The following CSMD1 variants were observed in gnomAD, a reference collection of about 807,000 sequenced individuals.
CSMD1 encodes the protein CUB and sushi domain-containing protein 1.
In CSMD1, 213 loss-of-function variants were observed where a neutral mutation model predicts 417.5. The observed-to-expected ratio is 0.51, with a 90% CI of 0.46 to 0.57. The LOEUF is 0.57. Ranked by LOEUF, CSMD1 falls within the 20% of genes least tolerant of loss-of-function variation. The pLI is 0.00. For synonymous variants in CSMD1, 2,862 were observed against 1,736.8 expected, an observed-to-expected ratio of 1.65 and a Z score of -16.11; for missense variants, 6,923 against 4,529.7, an observed-to-expected ratio of 1.53 and a Z score of -15.17.
intron 18 of CSMD1, among the ~76,000 whole-genome samples, chr8:3,376,045 C>G (rs1019283329): frequency 1.3e-5 from 2 of 152,112 alleles, no homozygotes; most frequent in Admixed American, 1.3e-4. Context: ...TAATAAAGCA[C>G]TTACTTCATT....
chr8:4,790,001 G>C (rs1258255476), intron 1 of CSMD1, among the ~76,000 whole-genome samples: 1 of 152,102 alleles, frequency 6.6e-6, no homozygotes, highest in Non-Finnish European at 1.5e-5. Context: ...ACTCAATGGA[G>C]GCCAAGTTAT....
At chr8:4,448,917 A>G (rs902113117) in intron 2 of CSMD1, among the ~76,000 whole-genome samples, 1 of 152,146 alleles carries the variant, frequency 6.6e-6, no homozygotes, top group Non-Finnish European at 1.5e-5. Flanking sequence ...TTCATCTATT[A>G]AGTTCAAAAT....
At chr8:4,112,733 A>G (rs770138510) in intron 3 of CSMD1, among the ~76,000 whole-genome samples, 9 of 152,198 alleles carry the variant, frequency 5.9e-5, no homozygotes, top group Non-Finnish European at 2.9e-5. Flanking sequence ...TACATGTTTA[A>G]AAATATTAAA....
intron 12 of CSMD1, among the ~76,000 whole-genome samples, chr8:3,422,560 A>G (rs1238648074): frequency 2.0e-5 from 3 of 152,214 alleles, no homozygotes; most frequent in Non-Finnish European, 4.4e-5. Flanking sequence ...ACAGAAGACA[A>G]AACAGTAAAT....
chr8:3,764,273 C>A (rs540133557), intron 5 of CSMD1, among the ~76,000 whole-genome samples: 136 of 152,292 alleles, frequency 8.9e-4, no homozygotes, highest in Non-Finnish European at 1.7e-3. Context: ...TGCCTGTGTT[C>A]CCGTCCAAAC....
At chr8:4,448,739 T>C (rs1443449179) in intron 2 of CSMD1, among the ~76,000 whole-genome samples, 4 of 152,204 alleles carry the variant, frequency 2.6e-5, no homozygotes, top group Non-Finnish European at 1.5e-5. Context: ...CTTTTGAATT[T>C]TTCTGAATGA....
At chr8:4,839,096 G>C (rs1426412550) in intron 1 of CSMD1, among the ~76,000 whole-genome samples, 1 of 152,106 alleles carries the variant, frequency 6.6e-6, no homozygotes, top group Non-Finnish European at 1.5e-5. Flanking sequence ...ACTCCTCTGA[G>C]TCAGTTTCCC....
chr8:3,987,018 G>A lies in CSMD1; in HGVS notation c.818+10885C>T, dbSNP rs1040518193. Among the ~76,000 whole-genome samples, 3 of 152,144 alleles carry A rather than the reference G, an allele frequency of 2.0e-5. No homozygotes were observed. In the South Asian group the frequency reaches 6.2e-4, roughly 31 times the overall value. ...AATCCACCTGCCTCAGCCTCCCAAA[G>A]TGCTGGGATTACAGACGTGAATCAC... is the stretch of plus-strand genomic sequence containing the variant. On this transcript the variant is annotated intron_variant, in intron 5 of 69. Coordinates refer to ENST00000635120, the MANE Select transcript of CSMD1 (RefSeq NM_033225.6).
intron 3 of CSMD1, among the ~76,000 whole-genome samples, chr8:4,111,272 T>C (rs974327786): frequency 6.6e-6 from 1 of 152,168 alleles, no homozygotes; most frequent in African/African-American, 2.4e-5. Context: ...GTTTTAGATA[T>C]AGATCAGTGA....
chr8:4,339,222 G>C (rs939942695), intron 3 of CSMD1, among the ~76,000 whole-genome samples: 4 of 152,112 alleles, frequency 2.6e-5, no homozygotes, highest in Admixed American at 2.6e-4. Context: ...CAGGCAATAA[G>C]CCATAGGAAA....
At chr8:4,105,933 C>G (rs570182768) in intron 3 of CSMD1, among the ~76,000 whole-genome samples, 3 of 152,310 alleles carry the variant, frequency 2.0e-5, no homozygotes, top group African/African-American at 7.2e-5. Context: ...TTCGGTGCGT[C>G]CTGAATACCT....
intron 18 of CSMD1, among the ~76,000 whole-genome samples, chr8:3,376,594 T>C (rs1810319637): frequency 6.6e-6 from 1 of 152,074 alleles, no homozygotes; most frequent in Non-Finnish European, 1.5e-5. Context: ...TAAAACTATC[T>C]TTCTTTAATT....
At chr8:3,885,850 G>A (rs1401322187) in intron 5 of CSMD1, among the ~76,000 whole-genome samples, 1 of 152,068 alleles carries the variant, frequency 6.6e-6, no homozygotes, top group African/African-American at 2.4e-5. Context: ...ACGTCTCTGT[G>A]AACAAAACAA....
chr8:4,649,347 A>T (rs914710540), intron 1 of CSMD1, among the ~76,000 whole-genome samples: 11 of 152,230 alleles, frequency 7.2e-5, no homozygotes, highest in African/African-American at 2.2e-4. Context: ...AGTACCTATT[A>T]TAAGGTAAAT....
At chr8:3,649,197 G>C (rs975616261) in intron 7 of CSMD1, among the ~76,000 whole-genome samples, 8 of 152,074 alleles carry the variant, frequency 5.3e-5, no homozygotes, top group African/African-American at 1.9e-4. Flanking sequence ...GGTTTGTACT[G>C]ATACCATAAG....
intron 3 of CSMD1, among the ~76,000 whole-genome samples, chr8:4,065,903 A>T (rs963405238): frequency 2.0e-5 from 3 of 152,206 alleles, no homozygotes; most frequent in African/African-American, 7.2e-5. Context: ...TCAAAGAAGA[A>T]CAAAGTGGCC....
chr8:3,938,596 ATG>A (rs1209497793), intron 5 of CSMD1, among the ~76,000 whole-genome samples: 2 of 152,232 alleles, frequency 1.3e-5, no homozygotes, highest in Admixed American at 6.5e-5. Context: ...CTTGGAAATC[ATG>A]CTGTAGACCC....
intron 3 of CSMD1, among the ~76,000 whole-genome samples, chr8:4,272,475 C>T (rs913777372): frequency 6.6e-6 from 1 of 152,066 alleles, no homozygotes. Flanking sequence ...TATATAGGCA[C>T]AGATAACTAT....
At chr8:4,528,657 G>T (rs955681522) in intron 2 of CSMD1, among the ~76,000 whole-genome samples, 3 of 152,046 alleles carry the variant, frequency 2.0e-5, no homozygotes, top group Non-Finnish European at 4.4e-5. Flanking sequence ...TTGCAGCAAT[G>T]GTTTCATGGT....
Sources: allele counts gnomAD v4.1 joint callset (sites outside exome capture counted in the v4.1 genomes callset), GRCh38; gene constraint gnomAD v4.1.1; transcripts MANE v1.5; gene names NCBI Gene and HGNC (gene_info 2026-07-23, HGNC 2026-07-21).